Variants in PPP2R5B observed in about 807,000 individuals in gnomAD.
The protein encoded by PPP2R5B is protein phosphatase 2 regulatory subunit B'beta.
Under a neutral mutation model 59.9 loss-of-function variants are expected in PPP2R5B, and 19 were observed. That is an observed-to-expected ratio of 0.32 (90% CI 0.22 to 0.47). The LOEUF (loss-of-function observed/expected upper bound fraction) is 0.47. PPP2R5B is among the 20% of genes least tolerant of loss of function. The pLI is 1.00. For missense variants in PPP2R5B, 441 were observed against 640.2 expected (o/e 0.69, Z 3.36); for synonymous variants, 286 against 260.5 (o/e 1.10, Z -0.94).
chr11:64,930,201 T>C, intron 6 of PPP2R5B, 121 bp from the exon 7 acceptor site: 1 of 1,118,634 alleles, frequency 8.9e-7, no homozygotes. Context: ...GAGCGCAGCC[T>C]CTGGGTTGGG....
At chr11:64,928,654 G>A (rs1159126289) in intron 6 of PPP2R5B, among the ~76,000 whole-genome samples, 1 of 152,264 alleles carries the variant, frequency 6.6e-6, no homozygotes, top group Admixed American at 6.5e-5. Flanking sequence ...GTGGGCACCT[G>A]TAATTCCAGC....
At position 64,932,784 on chromosome 11, in the gene PPP2R5B, A is replaced by G; in HGVS notation, c.1136A>G (p.Tyr379Cys). 6.2e-7 allele frequency: 1 copy of G among 1,613,936 alleles called. No homozygotes were observed. The highest frequency in any genetic ancestry group is 8.5e-7 in the Non-Finnish European group (1 of 1,179,938). Reference sequence around the variant, plus strand: ...CCCCAGGTTGCAGAGCGGGCTCTGTATTTCTGGAACAATGAGTATATCCTA... The same window carrying G: ...CCCCAGGTTGCAGAGCGGGCTCTGTGTTTCTGGAACAATGAGTATATCCTA... The part of the protein sequence containing the change: ...PHFQVAERAL[Y>C]FWNNEYILSL... The change falls in exon 12 of 14, where the codon TAT becomes TGT. Residue 379 changes from tyrosine to cysteine, a missense_variant. By Grantham distance (194) the Tyr-to-Cys change is radical. Coordinates refer to ENST00000164133, the MANE Select transcript of PPP2R5B (RefSeq NM_006244.4).
intron 1 of PPP2R5B, chr11:64,918,187 T>C (rs1421137005): frequency 6.6e-6 from 1 of 152,218 alleles, no homozygotes; most frequent in African/African-American, 2.4e-5. Context: ...CCCGGGCTGC[T>C]TTCTTGCTAC....
chr11:64,925,790 T>C lies in PPP2R5B; in HGVS notation c.56T>C (p.Leu19Pro). ...STPTSPSSPG[L>P]SPVPPPDKVD... Reference sequence around the variant, plus strand: ...CCCACTAGCCCCTCCTCCCCCGGGCTGTCGCCTGTGCCCCCACCCGACAAG... The same window carrying C: ...CCCACTAGCCCCTCCTCCCCCGGGCCGTCGCCTGTGCCCCCACCCGACAAG... Residue 19 changes from leucine (L) to proline (P), a missense_variant, in exon 2 of 14, where the codon CTG (leucine) becomes CCG (proline). Coordinates refer to ENST00000164133, the MANE Select transcript of PPP2R5B (RefSeq NM_006244.4). The surrounding 1 kb of genome is among the most constrained non-coding windows in gnomAD (Gnocchi z 4.6). 1 of 1,480,054 alleles carries C rather than the reference T, an allele frequency of 6.8e-7. No individual in the cohort carries two copies. The highest frequency in any genetic ancestry group is 1.2e-5 in the South Asian group (1 of 86,828). The allele number at this position is 1,480,054 out of a possible 1,614,324, so 91.7% of individuals were successfully genotyped here.
intron 11 of PPP2R5B, 150 bp from the exon 12 acceptor site, chr11:64,932,615 C>T: frequency 1.1e-6 from 1 of 936,372 alleles, no homozygotes; most frequent in South Asian, 1.7e-5. Context: ...CCCTTCAACA[C>T]TGTTGCTTCC....
At chr11:64,919,612 G>A (rs1331171547) in intron 1 of PPP2R5B, among the ~76,000 whole-genome samples, 3 of 151,998 alleles carry the variant, frequency 2.0e-5, no homozygotes, top group East Asian at 1.9e-4. Context: ...TTAGCCGGGC[G>A]TGGTGGTGTG....
At chr11:64,921,689 T>C (rs1352208968), upstream of PPP2R5B, among the ~76,000 whole-genome samples, 3 of 152,142 alleles carry the variant, frequency 2.0e-5, no homozygotes, top group Admixed American at 6.5e-5. Flanking sequence ...CCCAGGCAGC[T>C]GGCAGGGAAC....
In PPP2R5B at chr11:64,930,539, G is replaced by A. The variant is rs148879767; in HGVS notation, c.841G>A (p.Val281Ile). ...GGAGCACAAGCAGTTCCTGGTTCGC[G>A]TCCTGATCCCCCTGCACTCTGTCAA... ...KTEHKQFLVR[V>I]LIPLHSVKSL... Residue 281 changes from valine (V) to isoleucine (I), a missense_variant, in exon 8 of 14, where the codon GTC becomes ATC. Physicochemically the swap from Val to Ile is conservative, Grantham distance 29. Transcript: ENST00000164133. The A allele has an allele frequency of 5.5e-5, 88 of 1,614,044 alleles. No homozygotes were observed. Among genetic ancestry groups the A allele is most frequent in the African/African-American group, 3.6e-4 (27 of 74,920 alleles).
chr11:64,928,566 G>T, intron 6 of PPP2R5B, 141 bp downstream of exon 6: 1 of 1,304,062 alleles, frequency 7.7e-7, no homozygotes, highest in Non-Finnish European at 1.1e-6. Flanking sequence ...CACCTAAGGT[G>T]AGGAGTTTGA....
Position 64,931,939 on chromosome 11 carries a change from C to A in PPP2R5B, c.1116+71C>A. 1 of 1,565,800 alleles carries A rather than the reference C, an allele frequency of 6.4e-7. No homozygotes were observed. Among genetic ancestry groups the A allele is most frequent in the South Asian group, 1.2e-5 (1 of 84,554 alleles). On this transcript the variant is annotated intron_variant, in intron 11 of 13. Transcript: ENST00000164133. This position sits in a 1 kb window ranked among gnomAD's most constrained non-coding sequence, Gnocchi z 5.0. ...AGGTTGGGTAGCTGACCTAATAAAG[C>A]TCCCTTTGCCCTCAGTTTCTCCTCC...
chr11:64,928,754 G>A (rs1309974583), intron 6 of PPP2R5B, among the ~76,000 whole-genome samples: 1 of 152,182 alleles, frequency 6.6e-6, no homozygotes, highest in African/African-American at 2.4e-5. Context: ...CGCGGTGGCG[G>A]GCGCCTGTAG....
chr11:64,927,346 A>G (rs1246706168), intron 3 of PPP2R5B, among the ~76,000 whole-genome samples: 1 of 152,178 alleles, frequency 6.6e-6, no homozygotes, highest in Non-Finnish European at 1.5e-5. Flanking sequence ...GCTTGCACGA[A>G]CTAGGCGTTC....
At chr11:64,926,056 G>A in intron 2 of PPP2R5B, 123 bp downstream of exon 2, 2 of 1,011,562 alleles carry the variant, frequency 2.0e-6, no homozygotes, top group Non-Finnish European at 2.9e-6. Context: ...TCCAGGCTAG[G>A]TTCTCCGCCA....
chr11:64,920,449 T>C (rs606412), upstream of PPP2R5B, among the ~76,000 whole-genome samples: 144,644 of 152,200 alleles, frequency 0.95, 69,151 homozygotes, highest in East Asian at 1. Flanking sequence ...AGACAAGCTC[T>C]GTAGAAAACC....
chr11:64,918,991 T>C, intron 1 of PPP2R5B, among the ~76,000 whole-genome samples: 1 of 152,096 alleles, frequency 6.6e-6, no homozygotes, highest in Non-Finnish European at 1.5e-5. Context: ...GATAGTTCAT[T>C]ACCTGGAAGG....
At chr11:64,926,074 T>C in intron 2 of PPP2R5B, 141 bp downstream of exon 2, 1 of 862,836 alleles carries the variant, frequency 1.2e-6, no homozygotes, top group Non-Finnish European at 1.7e-6. Context: ...CCATCAGAAC[T>C]GACCCCAGCC....
At position 64,931,880 on chromosome 11, in the gene PPP2R5B, G is replaced by C; in HGVS notation, c.1116+12G>C. On this transcript the variant is annotated intron_variant, in intron 11 of 13. Transcript: ENST00000164133. The surrounding 1 kb of genome is among the most constrained non-coding windows in gnomAD (Gnocchi z 5.0). ...GCCCCCATTTCCAGGTATGAGGCAGGACAGGCGGGGATGGGAGCAGGGCTG... is the reference window on the plus strand; with the variant it reads ...GCCCCCATTTCCAGGTATGAGGCAGCACAGGCGGGGATGGGAGCAGGGCTG... The C allele has an allele frequency of 6.2e-7, 1 of 1,613,490 alleles. No individual in the cohort carries two copies. Among genetic ancestry groups the C allele is most frequent in the Non-Finnish European group, 8.5e-7 (1 of 1,179,830 alleles).
At position 64,926,740 on chromosome 11, in the gene PPP2R5B, GC is replaced by G. The variant is rs1945168391; in HGVS notation, c.229del (p.Leu77Ter). 6.2e-7 allele frequency: 1 copy of G among 1,614,066 alleles called. No homozygotes were observed. The highest frequency in any genetic ancestry group is 1.7e-5 in the Admixed American group (1 of 60,010). ...DVPASELHEL[L>X]SRKLAQCGVM... ...TGCCGGCTTCCGAGCTGCACGAGCTGCTGAGCCGGAAGCTGGCCCAGTGTGG... is the reference window on the plus strand; with the variant it reads ...TGCCGGCTTCCGAGCTGCACGAGCTGTGAGCCGGAAGCTGGCCCAGTGTGG... On this transcript the variant is annotated frameshift_variant, in exon 3 of 14. Coordinates refer to ENST00000164133, the MANE Select transcript of PPP2R5B (RefSeq NM_006244.4). LOFTEE classifies it high-confidence loss of function.
chr11:64,920,633 A>ATTT (rs34609480), upstream of PPP2R5B, among the ~76,000 whole-genome samples: 3,834 of 143,962 alleles, frequency 0.027, 99 homozygotes, highest in Non-Finnish European at 0.037. Context: ...TCCAGCAGTT[A>ATTT]TTTTTTTTTT....
Sources: allele counts gnomAD v4.1 joint callset (sites outside exome capture counted in the v4.1 genomes callset), GRCh38; gene constraint gnomAD v4.1.1; non-coding constraint Gnocchi (gnomAD v3.1); transcripts MANE v1.5; gene names NCBI Gene and HGNC (gene_info 2026-07-23, HGNC 2026-07-21).